NAALADL2: variants seen among roughly 807,000 people sequenced by gnomAD.
The protein encoded by NAALADL2 is N-acetylated alpha-linked acidic dipeptidase like 2, also known as inactive N-acetylated-alpha-linked acidic dipeptidase-like protein 2.
Under a neutral mutation model 87.2 loss-of-function variants are expected in NAALADL2, and 76 were observed. The ratio of observed to expected loss-of-function variants is 0.87; its 90% CI spans 0.72 to 1.05. The LOEUF (loss-of-function observed/expected upper bound fraction) is 1.05, where lower values mean the gene tolerates loss of function less well. Ranked by LOEUF, NAALADL2 falls within the 50% of genes least tolerant of loss-of-function variation. The pLI is 0.00. For missense variants in NAALADL2, 1,089 were observed against 945.8 expected (o/e 1.15, Z -1.99); for synonymous variants, 354 against 331.0 (o/e 1.07, Z -0.75).
chr3:174,459,505 A>C (rs1212454196), intron 1 of NAALADL2: 1 of 152,240 alleles, frequency 6.6e-6, no homozygotes, highest in South Asian at 2.1e-4. Flanking sequence ...GTGAACATGC[A>C]CTGGACACTG....
intron 1 of NAALADL2, among the ~76,000 whole-genome samples, chr3:174,546,017 C>G (rs1722699462): frequency 6.7e-6 from 1 of 149,922 alleles, no homozygotes; most frequent in African/African-American, 2.5e-5. Context: ...TGGTCTTTTT[C>G]ATGTTGAGGC....
At chr3:174,753,615 G>GA (rs1420160760) in intron 3 of NAALADL2, among the ~76,000 whole-genome samples, 1 of 152,176 alleles carries the variant, frequency 6.6e-6, no homozygotes, top group East Asian at 1.9e-4. Context: ...CCACAGTGGG[G>GA]AGGGGATGGG....
chr3:175,611,682 A>G (rs142111260), intron 10 of NAALADL2, among the ~76,000 whole-genome samples: 71 of 152,278 alleles, frequency 4.7e-4, no homozygotes, highest in East Asian at 4.4e-3. Flanking sequence ...AGATGCTATC[A>G]GAAATCAACT....
intron 4 of NAALADL2, among the ~76,000 whole-genome samples, chr3:175,295,364 AC>A (rs988221407): frequency 6.6e-6 from 1 of 152,044 alleles, no homozygotes; most frequent in African/African-American, 2.4e-5. Context: ...ACCTGGCCAA[AC>A]CTGAATTCGT....
At chr3:175,397,027 C>T (rs1040810869) in intron 5 of NAALADL2, among the ~76,000 whole-genome samples, 2 of 151,984 alleles carry the variant, frequency 1.3e-5, no homozygotes, top group Admixed American at 1.3e-4. Flanking sequence ...ACCTATTTTA[C>T]ATTTAAAAAT....
chr3:175,700,176 A>T (rs535376781), intron 11 of NAALADL2, among the ~76,000 whole-genome samples: 1 of 152,146 alleles, frequency 6.6e-6, no homozygotes. Context: ...GATTGTGTTT[A>T]TGCAAACTTA....
intron 3 of NAALADL2, among the ~76,000 whole-genome samples, chr3:174,781,454 G>T (rs1405754051): frequency 6.6e-6 from 1 of 151,428 alleles, no homozygotes; most frequent in African/African-American, 2.4e-5. Flanking sequence ...AAGTGATGGG[G>T]AGAATGGAAC....
intron 1 of NAALADL2, among the ~76,000 whole-genome samples, chr3:174,868,223 G>A (rs563800687): frequency 1.3e-5 from 2 of 152,030 alleles, no homozygotes; most frequent in South Asian, 4.1e-4. Context: ...ATAACAGTGA[G>A]GTATCGAAAT....
chr3:174,780,334 T>A (rs1481362062), intron 3 of NAALADL2, among the ~76,000 whole-genome samples: 1 of 152,218 alleles, frequency 6.6e-6, no homozygotes, highest in African/African-American at 2.4e-5. Context: ...ATTGATTTTG[T>A]ATCCTGAAAC....
intron 2 of NAALADL2, among the ~76,000 whole-genome samples, chr3:174,647,735 T>C (rs1438379064): frequency 6.6e-6 from 1 of 152,172 alleles, no homozygotes; most frequent in Non-Finnish European, 1.5e-5. Flanking sequence ...TAAGGAAGTA[T>C]TCAGTGACAA....
intron 5 of NAALADL2, among the ~76,000 whole-genome samples, chr3:175,378,133 C>A (rs1018110629): frequency 6.6e-6 from 1 of 152,158 alleles, no homozygotes; most frequent in Non-Finnish European, 1.5e-5. Flanking sequence ...TCACAGGCAC[C>A]CCCAAGTCCA....
intron 2 of NAALADL2, among the ~76,000 whole-genome samples, chr3:174,710,605 G>C (rs1465272580): frequency 2.6e-5 from 4 of 152,104 alleles, no homozygotes; most frequent in Admixed American, 2.0e-4. Flanking sequence ...AGACGAGGAA[G>C]TTAGTGATGA....
intron 2 of NAALADL2, among the ~76,000 whole-genome samples, chr3:174,664,196 G>A (rs1348444729): frequency 6.6e-6 from 1 of 152,152 alleles, no homozygotes; most frequent in Non-Finnish European, 1.5e-5. Context: ...AATAGTAGTT[G>A]TAATTAAATG....
intron 3 of NAALADL2, among the ~76,000 whole-genome samples, chr3:174,751,202 TCCAGATATATTA>T (rs1734785469): frequency 6.6e-6 from 1 of 152,120 alleles, no homozygotes. Flanking sequence ...TTTGGGCCAA[TCCAGATATATTA>T]TATCATATGA....
At chr3:175,196,570 C>T (rs1005549702) in intron 2 of NAALADL2, among the ~76,000 whole-genome samples, 2 of 151,864 alleles carry the variant, frequency 1.3e-5, no homozygotes, top group African/African-American at 4.8e-5. Flanking sequence ...GACTATCCAC[C>T]TTCCTTTTGC....
intron 1 of NAALADL2, among the ~76,000 whole-genome samples, chr3:174,970,132 A>G (rs1018692238): frequency 2.6e-5 from 4 of 152,112 alleles, no homozygotes; most frequent in African/African-American, 9.7e-5. Flanking sequence ...TTTGGAGGAG[A>G]TAACCCTTAA....
chr3:174,616,690 A>C (rs968810128), intron 2 of NAALADL2, among the ~76,000 whole-genome samples: 3 of 151,918 alleles, frequency 2.0e-5, no homozygotes, highest in Non-Finnish European at 4.4e-5. Context: ...AACAGCTAAA[A>C]AAACTTGATA....
intron 2 of NAALADL2, among the ~76,000 whole-genome samples, chr3:175,196,893 T>A (rs748175368): frequency 1.3e-5 from 2 of 152,012 alleles, no homozygotes; most frequent in Admixed American, 6.6e-5. Flanking sequence ...TAATGTCATG[T>A]ATTTTCCCTG....
At chr3:175,638,751 A>C (rs181809812) in intron 11 of NAALADL2, among the ~76,000 whole-genome samples, 1 of 152,234 alleles carries the variant, frequency 6.6e-6, no homozygotes, top group African/African-American at 2.4e-5. Flanking sequence ...AGATGAAAAC[A>C]TACATCATTT....
Sources: allele counts gnomAD v4.1 joint callset (sites outside exome capture counted in the v4.1 genomes callset), GRCh38; gene constraint gnomAD v4.1.1; transcripts MANE v1.5; gene names NCBI Gene and HGNC (gene_info 2026-07-23, HGNC 2026-07-21).